SHOC1: variants seen among roughly 807,000 people sequenced by gnomAD.
SHOC1 encodes the protein shortage in chiasmata 1.
SHOC1 carries 136 observed loss-of-function variants against 179.2 expected under a neutral mutation model. The observed-to-expected ratio is 0.76, with a 90% CI of 0.66 to 0.87. The LOEUF (loss-of-function observed/expected upper bound fraction) is 0.87. Among genes scored for constraint, SHOC1 ranks in the 40% least tolerant of loss-of-function variants. SHOC1 has a pLI of 0.00. For missense variants in SHOC1, 1,538 were observed against 1,700.8 expected (o/e 0.90, Z 1.68); for synonymous variants, 489 against 586.6 (o/e 0.83, Z 2.41).
In SHOC1 at chr9:111,706,611, AG is replaced by A; in HGVS notation, c.2693del (p.Pro898LeufsTer7). ...GAAGAATCACTTTAAAGGCCATGTA[AG>A]GAATATTCAACTCTTTGCAGTGTTT... ...WTKHCKELNI[P>X]YMAFKVILPD... is the part of the protein sequence containing the mutation. On this transcript the variant is annotated frameshift_variant, in exon 20 of 28. Coordinates refer to ENST00000682961, the MANE Select transcript of SHOC1 (RefSeq NM_001378211.1). LOFTEE classifies it high-confidence loss of function. The A allele has an allele frequency of 6.3e-7, 1 of 1,599,066 alleles. No homozygotes were observed. Among genetic ancestry groups the A allele is most frequent in the Non-Finnish European group, 8.5e-7 (1 of 1,172,618 alleles).
intron 2 of SHOC1, among the ~76,000 whole-genome samples, chr9:111,788,611 G>C (rs1005959148): frequency 6.6e-6 from 1 of 152,154 alleles, no homozygotes; most frequent in African/African-American, 2.4e-5. Flanking sequence ...TAAAATATAT[G>C]TGTAAGTACT....
At position 111,776,112 on chromosome 9, in the gene SHOC1, T is replaced by C. The variant is rs1328615138; in HGVS notation, c.258-137A>G. The C allele has an allele frequency of 9.3e-6, 6 of 647,986 alleles. No homozygotes were observed. The South Asian group carries it at 1.3e-4, about 14-fold the overall frequency. The allele number at this position is 647,986 out of a possible 1,614,324, so 40.1% of individuals were successfully genotyped here. A position where few individuals can be genotyped will look rare whatever the true frequency, so the allele number is the denominator to read the frequency against. On this transcript the variant is annotated intron_variant, in intron 4 of 27. Transcript: ENST00000682961. ...AGAAGAAACATCTATATTCCCATCA[T>C]TCAAGATAAATATAAAAAGTATGTA... is the stretch of plus-strand genomic sequence containing the variant.
At position 111,791,455 on chromosome 9, in the gene SHOC1, C is replaced by A; in HGVS notation, c.-36-1G>T. The A allele has an allele frequency of 1.5e-6, 2 of 1,349,954 alleles. No homozygotes were observed. The highest frequency in any genetic ancestry group is 2.0e-6 in the Non-Finnish European group (2 of 1,016,956). 83.6% of individuals were successfully genotyped at this position (1,349,954 alleles called of 1,614,324 possible). ...TTCAAAGCAGTGTAAATTTCAACATCTGGAAATACAAAAATTAAAATTAAA... is the reference window on the plus strand; with the variant it reads ...TTCAAAGCAGTGTAAATTTCAACATATGGAAATACAAAAATTAAAATTAAA... On this transcript the variant is annotated splice_acceptor_variant, in intron 1 of 27. Coordinates refer to ENST00000682961, the MANE Select transcript of SHOC1 (RefSeq NM_001378211.1). LOFTEE classifies it low-confidence loss of function (5UTR_SPLICE).
chr9:111,762,441 G>C (rs1835177689), intron 5 of SHOC1, among the ~76,000 whole-genome samples: 1 of 150,752 alleles, frequency 6.6e-6, no homozygotes, highest in African/African-American at 2.4e-5. Flanking sequence ...AAGAAAGAAA[G>C]AAAAAGAAAA....
intron 27 of SHOC1, among the ~76,000 whole-genome samples, chr9:111,688,147 G>A (rs1831265605): frequency 6.6e-6 from 1 of 152,132 alleles, no homozygotes; most frequent in Admixed American, 6.5e-5. Flanking sequence ...CTGGTTTGTA[G>A]CATCTGCAAA....
At chr9:111,721,011 T>C (rs188070404) in intron 15 of SHOC1, among the ~76,000 whole-genome samples, 161 of 152,344 alleles carry the variant, frequency 1.1e-3, no homozygotes, top group African/African-American at 3.8e-3. Context: ...TTGGGTATTC[T>C]TGTATTCATA....
chr9:111,788,763 T>A (rs1836350629), intron 2 of SHOC1, among the ~76,000 whole-genome samples: 1 of 152,222 alleles, frequency 6.6e-6, no homozygotes, highest in Non-Finnish European at 1.5e-5. Flanking sequence ...TTCTAATTTT[T>A]AAAAATATAT....
At chr9:111,691,101 C>T (rs1251732662) in intron 27 of SHOC1, among the ~76,000 whole-genome samples, 1 of 152,178 alleles carries the variant, frequency 6.6e-6, no homozygotes, top group Non-Finnish European at 1.5e-5. Context: ...CAGAATGGAG[C>T]TAATAATACT....
At chr9:111,768,405 T>C (rs1835435506) in intron 5 of SHOC1, among the ~76,000 whole-genome samples, 1 of 152,090 alleles carries the variant, frequency 6.6e-6, no homozygotes, top group Non-Finnish European at 1.5e-5. Flanking sequence ...GTATTTTTAG[T>C]AGAGACAGGG....
At chr9:111,708,453 C>A (rs1043366737) in intron 18 of SHOC1, among the ~76,000 whole-genome samples, 5 of 152,116 alleles carry the variant, frequency 3.3e-5, no homozygotes, top group Admixed American at 6.5e-5. Context: ...ACCCCCACCT[C>A]AGCCTCCCAA....
At chr9:111,787,979 A>C (rs1836318770) in intron 2 of SHOC1, among the ~76,000 whole-genome samples, 1 of 152,112 alleles carries the variant, frequency 6.6e-6, no homozygotes, top group Admixed American at 6.5e-5. Context: ...TTAGCAATAA[A>C]GTATTTTTCA....
intron 21 of SHOC1, among the ~76,000 whole-genome samples, chr9:111,704,878 T>A (rs1228738960): frequency 6.6e-6 from 1 of 152,088 alleles, no homozygotes; most frequent in African/African-American, 2.4e-5. Flanking sequence ...CTCAAAGACA[T>A]GAACATATAA....
intron 14 of SHOC1, 24 bp from the exon 15 acceptor site, chr9:111,722,609 G>C (rs747830723): frequency 3.2e-6 from 5 of 1,577,970 alleles, no homozygotes; most frequent in Middle Eastern, 3.3e-4. Context: ...AGCATTAATG[G>C]CAGTGTTTTA....
At chr9:111,729,995 C>A (rs561117378) in intron 12 of SHOC1, among the ~76,000 whole-genome samples, 1 of 152,268 alleles carries the variant, frequency 6.6e-6, no homozygotes, top group African/African-American at 2.4e-5. Context: ...ACAATGTTCA[C>A]AGAATCTTCA....
rs1207752124 is a variant in SHOC1 at position 111,692,205 on chromosome 9, A to T, written c.3772T>A (p.Ser1258Thr). 6.2e-6 allele frequency: 10 copies of T among 1,613,454 alleles called. No individual in the cohort carries two copies. The highest frequency in any genetic ancestry group is 8.5e-6 in the Non-Finnish European group (10 of 1,179,594). Reference protein sequence around the residue: ...SYNQTSYWKDSSCKSNIGQNT... With the variant: ...SYNQTSYWKDTSCKSNIGQNT... ...TGCCCTATATTAGATTTACAGCTGGAGTCTTTCCAGTAGCTGGTCTGATTG... is the reference window on the plus strand; with the variant it reads ...TGCCCTATATTAGATTTACAGCTGGTGTCTTTCCAGTAGCTGGTCTGATTG... The change falls in exon 27 of 28, where the codon TCC becomes ACC. Residue 1258 changes from serine to threonine, a missense_variant. By Grantham distance (58) the Ser-to-Thr change is moderately conservative. Transcript: ENST00000682961.
chr9:111,758,747 C>T lies in SHOC1; in HGVS notation c.544G>A (p.Asp182Asn). Residue 182 changes from aspartate to asparagine, a missense_variant, in exon 6 of 28, where the codon GAT becomes AAT. By Grantham distance (23) the Asp-to-Asn change is conservative (BLOSUM62 1). Coordinates refer to ENST00000682961, the MANE Select transcript of SHOC1 (RefSeq NM_001378211.1). ...TGTCCTTTGAAATCTAAAAGAGGAT[C>T]CTTTACCAAAAACAGTTTTAGTCTA... is the stretch of plus-strand genomic sequence containing the variant. ...LSRLKLFLVK[D>N]PLLDFKGQIF... The T allele has an allele frequency of 2.5e-6, 4 of 1,600,734 alleles. No individual in the cohort carries two copies. Among genetic ancestry groups the T allele is most frequent in the Non-Finnish European group, 2.6e-6 (3 of 1,175,894 alleles).
intron 8 of SHOC1, among the ~76,000 whole-genome samples, chr9:111,755,533 C>T (rs1834815700): frequency 6.6e-6 from 1 of 151,982 alleles, no homozygotes; most frequent in African/African-American, 2.4e-5. Context: ...CTTATACTGT[C>T]ATTAAAAATA....
At chr9:111,713,835 C>A (rs563496904) in intron 17 of SHOC1, among the ~76,000 whole-genome samples, 1 of 151,964 alleles carries the variant, frequency 6.6e-6, no homozygotes, top group Non-Finnish European at 1.5e-5. Context: ...TGAATGTAAT[C>A]CAAGGCATAA....
chr9:111,745,165 G>A (rs1334165890), intron 10 of SHOC1, among the ~76,000 whole-genome samples: 1 of 152,182 alleles, frequency 6.6e-6, no homozygotes, highest in Non-Finnish European at 1.5e-5. Flanking sequence ...CACTCTTAAT[G>A]GGAATAAACT....
Sources: gnomAD v4.1 joint callset for allele counts (sites outside exome capture counted in the v4.1 genomes callset) on GRCh38, gnomAD v4.1.1 for gene constraint, MANE v1.5 for transcripts, NCBI Gene and HGNC (gene_info 2026-07-23, HGNC 2026-07-21) for gene names.